The following KLHL18 variants were observed in gnomAD, a reference collection of about 807,000 sequenced individuals.
KLHL18 encodes kelch like family member 18.
In KLHL18, 38 loss-of-function variants were observed where a neutral mutation model predicts 58.5. The ratio of observed to expected loss-of-function variants is 0.65; its 90% CI spans 0.50 to 0.85. The LOEUF (loss-of-function observed/expected upper bound fraction) is 0.85. Among genes scored for constraint, KLHL18 ranks in the 40% least tolerant of loss-of-function variants. KLHL18 has a pLI of 0.00. For synonymous variants in KLHL18, 303 were observed against 301.9 expected (o/e 1.00, Z -0.04); for missense variants, 624 against 778.4 (o/e 0.80, Z 2.36).
chr3:47,291,509 T>C (rs1702790791), intron 1 of KLHL18, among the ~76,000 whole-genome samples: 1 of 152,238 alleles, frequency 6.6e-6, no homozygotes, highest in African/African-American at 2.4e-5. Flanking sequence ...GTGGGTAATA[T>C]AGTTTCAGTT....
intron 1 of KLHL18, among the ~76,000 whole-genome samples, chr3:47,304,012 G>T (rs1048852661): frequency 4.3e-4 from 66 of 151,850 alleles, no homozygotes; most frequent in African/African-American, 1.6e-3. Flanking sequence ...TATTTTTTTA[G>T]AGCAGTTTTA....
intron 1 of KLHL18, 156 bp downstream of exon 1, chr3:47,283,250 A>C (rs1332954615): frequency 6.8e-5 from 41 of 605,192 alleles, no homozygotes; most frequent in East Asian, 1.7e-4. Context: ...GCCGAGCAAA[A>C]GGGGATCGGG....
chr3:47,290,231 G>T (rs922068712), intron 1 of KLHL18, among the ~76,000 whole-genome samples: 1 of 152,288 alleles, frequency 6.6e-6, no homozygotes, highest in South Asian at 2.1e-4. Flanking sequence ...TCATTCTTGA[G>T]CACAGAGGGC....
At chr3:47,296,653 G>A (rs777630513) in intron 1 of KLHL18, among the ~76,000 whole-genome samples, 12 of 152,158 alleles carry the variant, frequency 7.9e-5, no homozygotes, top group Non-Finnish European at 1.5e-4. Context: ...TGGAAAGGAT[G>A]GTATTTAGTT....
intron 1 of KLHL18, among the ~76,000 whole-genome samples, chr3:47,313,542 T>C (rs1191507987): frequency 6.6e-6 from 1 of 152,130 alleles, no homozygotes; most frequent in Non-Finnish European, 1.5e-5. Flanking sequence ...TTTTGCCCAG[T>C]TTCTCCCAGT....
intron 2 of KLHL18, among the ~76,000 whole-genome samples, chr3:47,321,506 C>T (rs1400275884): frequency 2.0e-5 from 3 of 152,208 alleles, no homozygotes; most frequent in African/African-American, 2.4e-5. Flanking sequence ...CATGCCACCA[C>T]GCCCGGCTAA....
chr3:47,325,849 C>A (rs1169559448), intron 3 of KLHL18, among the ~76,000 whole-genome samples: 1 of 151,792 alleles, frequency 6.6e-6, no homozygotes, highest in African/African-American at 2.4e-5. Context: ...GGCTCACTGC[C>A]ACCTCTGCCT....
At position 47,342,779 on chromosome 3, in the gene KLHL18, G is replaced by C; in HGVS notation, c.1287G>C (p.Glu429Asp). The change falls in exon 9 of 10, where the codon GAG (glutamate) becomes GAC (aspartate). Residue 429 changes from glutamate (E) to aspartate (D), a missense_variant. Coordinates refer to ENST00000232766, the MANE Select transcript of KLHL18 (RefSeq NM_025010.5). The part of the protein sequence containing the change: ...NRSAAGVTVF[E>D]GRIYVSGGHD... ...GTGCTGCTGGGGTTACAGTCTTTGA[G>C]GGCAGGATATATGTGTCAGGCGGCC... The C allele has an allele frequency of 6.2e-7, 1 of 1,614,190 alleles. No individual in the cohort carries two copies. Among genetic ancestry groups the C allele is most frequent in the African/African-American group, 1.3e-5 (1 of 75,040 alleles).
At chr3:47,297,557 T>C (rs1457090649) in intron 1 of KLHL18, 2 of 456,718 alleles carry the variant, frequency 4.4e-6, no homozygotes, top group Admixed American at 4.7e-5. Flanking sequence ...AGCTTTTTAC[T>C]TCAGCCAACT....
At chr3:47,324,619 G>A (rs1489393260) in intron 3 of KLHL18, among the ~76,000 whole-genome samples, 4 of 151,900 alleles carry the variant, frequency 2.6e-5, no homozygotes, top group African/African-American at 9.7e-5. Flanking sequence ...GATTGCTTGA[G>A]GTTAGGATTT....
At chr3:47,343,530 A>G in intron 9 of KLHL18, 25 bp from the exon 10 acceptor site, 1 of 1,612,096 alleles carries the variant, frequency 6.2e-7, no homozygotes, top group African/African-American at 1.3e-5. Flanking sequence ...ACTGTCCTGT[A>G]CCTGTGCCTC....
chr3:47,324,678 A>C (rs1028407528), intron 3 of KLHL18, among the ~76,000 whole-genome samples: 1 of 151,944 alleles, frequency 6.6e-6, no homozygotes, highest in Non-Finnish European at 1.5e-5. Context: ...ACAAAAAAAA[A>C]ATTTTTTTAA....
chr3:47,322,794 A>AT (rs1703619772), intron 3 of KLHL18, 86 bp downstream of exon 3: 1 of 1,324,936 alleles, frequency 7.5e-7, no homozygotes, highest in Admixed American at 2.9e-5. Flanking sequence ...TTGGGACCAT[A>AT]TATAGGTTTA....
chr3:47,303,314 G>A (rs568783469), intron 1 of KLHL18, among the ~76,000 whole-genome samples: 3 of 152,266 alleles, frequency 2.0e-5, no homozygotes, highest in East Asian at 3.9e-4. Context: ...TAAAGGTCCT[G>A]TGACACCCTG....
intron 1 of KLHL18, among the ~76,000 whole-genome samples, chr3:47,310,760 A>T (rs1199918434): frequency 4.6e-5 from 7 of 151,374 alleles, no homozygotes; most frequent in Non-Finnish European, 8.8e-5. Context: ...CTTTTCCCTC[A>T]CTCCCACATC....
chr3:47,340,556 G>A lies in KLHL18; in HGVS notation c.1122-16G>A, dbSNP rs1704084816. ...AGGCTGCGGCTCATCTGGGATGACAGCTCTGTCTGTTTCAGTGCCATGGGG... is the reference window on the plus strand; with the variant it reads ...AGGCTGCGGCTCATCTGGGATGACAACTCTGTCTGTTTCAGTGCCATGGGG... On this transcript the variant is annotated splice_polypyrimidine_tract_variant and intron_variant, in intron 7 of 9. Transcript: ENST00000232766. 6.2e-7 allele frequency: 1 copy of A among 1,613,914 alleles called. No homozygotes were observed. The highest frequency in any genetic ancestry group is 1.1e-5 in the South Asian group (1 of 91,068).
At chr3:47,316,696 T>TAC (rs1703452487) in intron 1 of KLHL18, among the ~76,000 whole-genome samples, 1 of 34,710 alleles carries the variant, frequency 2.9e-5, no homozygotes, top group South Asian at 1.1e-3. Flanking sequence ...TGTGTATATA[T>TAC]ACATATATAC....
intron 1 of KLHL18, among the ~76,000 whole-genome samples, chr3:47,298,287 A>C (rs295445): frequency 0.96 from 143,313 of 149,448 alleles, 69,029 homozygotes; most frequent in East Asian, 1. Context: ...CCCAGGAGTT[A>C]GAGGCTGCGG....
intron 1 of KLHL18, among the ~76,000 whole-genome samples, chr3:47,316,266 G>T (rs1224079839): frequency 2.6e-5 from 4 of 151,770 alleles, no homozygotes; most frequent in Non-Finnish European, 5.9e-5. Context: ...AATCCTAAAG[G>T]CTTCTAGAGA....
Sources: gnomAD v4.1 joint callset for allele counts (sites outside exome capture counted in the v4.1 genomes callset) on GRCh38, gnomAD v4.1.1 for gene constraint, MANE v1.5 for transcripts, NCBI Gene and HGNC (gene_info 2026-07-23, HGNC 2026-07-21) for gene names.